The following ANKS3 variants were observed in gnomAD, a reference collection of about 807,000 sequenced individuals.
ANKS3 encodes ankyrin repeat and SAM domain-containing protein 3.
Under a neutral mutation model 80.7 loss-of-function variants are expected in ANKS3, and 62 were observed. The observed-to-expected ratio is 0.77, with a 90% CI of 0.63 to 0.95. ANKS3 has a LOEUF of 0.95. Ranked by LOEUF, ANKS3 falls within the 40% of genes least tolerant of loss-of-function variation. The pLI is 0.00. For missense variants in ANKS3, 1,150 were observed against 883.6 expected (o/e 1.30, Z -3.82); for synonymous variants, 489 against 355.3 (o/e 1.38, Z -4.23).
At chr16:4,702,326 G>A (rs1316470626) in intron 8 of ANKS3, 84 bp from the exon 9 acceptor site, 4 of 1,359,532 alleles carry the variant, frequency 2.9e-6, no homozygotes, top group Non-Finnish European at 3.8e-6. Flanking sequence ...GGAGGCAGGT[G>A]ACTTCCCAGT....
chr16:4,700,698 T>G, intron 11 of ANKS3: 1 of 564,836 alleles, frequency 1.8e-6, no homozygotes, highest in Non-Finnish European at 3.2e-6. Context: ...TCAAGTGTGC[T>G]TTTCTTCTCC....
At chr16:4,724,899 G>A in intron 5 of ANKS3, 68 bp from the exon 6 acceptor site, 1 of 1,442,888 alleles carries the variant, frequency 6.9e-7, no homozygotes, top group South Asian at 1.2e-5. Flanking sequence ...ACTCCCTGCT[G>A]AAGATAAACC....
chr16:4,722,929 C>CAAAAAAAAAAA (rs969402269), intron 6 of ANKS3, among the ~76,000 whole-genome samples: 1 of 91,872 alleles, frequency 1.1e-5, no homozygotes, highest in African/African-American at 4.0e-5. Context: ...CTTCTGTCTC[C>CAAAAAAAAAAA]AAAAAAAAAA....
intron 2 of ANKS3, among the ~76,000 whole-genome samples, chr16:4,731,231 G>A (rs574006963): frequency 1.3e-5 from 2 of 152,314 alleles, no homozygotes; most frequent in South Asian, 4.1e-4. Flanking sequence ...GTGACTCCAT[G>A]CCTTTATGAA....
Position 4,696,739 on chromosome 16 carries a change from G to T in ANKS3, c.*169C>A. The T allele has an allele frequency of 1.9e-6, 1 of 514,356 alleles. No individual in the cohort carries two copies. The highest frequency in any genetic ancestry group is 3.5e-6 in the Non-Finnish European group (1 of 282,522). 31.9% of individuals were successfully genotyped at this position (514,356 alleles called of 1,614,324 possible). ...TGCTGGCCCGAGCTGCCGAGCCAGG[G>T]CCGCAGCCCCCGTCTTGCCTCTGTC... On this transcript the variant is annotated 3_prime_UTR_variant, in exon 18 of 18. Transcript: ENST00000304283.
At chr16:4,714,257 G>A (rs2080655712) in intron 6 of ANKS3, 71 bp from the exon 7 acceptor site, 1 of 1,584,488 alleles carries the variant, frequency 6.3e-7, no homozygotes, top group Non-Finnish European at 8.6e-7. Flanking sequence ...GCTGCTGGCT[G>A]GGAAGACAGA....
chr16:4,697,201 AC>A (rs2079609396), intron 16 of ANKS3, 97 bp from the exon 17 acceptor site: 2 of 1,558,006 alleles, frequency 1.3e-6, no homozygotes, highest in East Asian at 4.5e-5. Context: ...CCTGCCCCTC[AC>A]CCGTTATGGC....
intron 7 of ANKS3, among the ~76,000 whole-genome samples, chr16:4,707,281 C>CTTT (rs112926809): frequency 6.6e-5 from 9 of 135,930 alleles, no homozygotes; most frequent in African/African-American, 1.4e-4. Flanking sequence ...CGGAAGGACA[C>CTTT]TTTTTTTTTT....
chr16:4,724,476 A>G (rs1286647673), intron 6 of ANKS3, among the ~76,000 whole-genome samples: 1 of 152,236 alleles, frequency 6.6e-6, no homozygotes, highest in Non-Finnish European at 1.5e-5. Flanking sequence ...TGACAGGATT[A>G]TGAGTGCTAT....
intron 6 of ANKS3, among the ~76,000 whole-genome samples, chr16:4,722,469 G>C (rs910558016): frequency 3.3e-5 from 5 of 151,702 alleles, no homozygotes; most frequent in Non-Finnish European, 7.4e-5. Flanking sequence ...CCAGCTACTC[G>C]GGAGGCTGAG....
chr16:4,726,784 C>T lies in ANKS3; in HGVS notation c.370-4G>A, dbSNP rs1215534733. 6.2e-7 allele frequency: 1 copy of T among 1,611,834 alleles called. No homozygotes were observed. The highest frequency in any genetic ancestry group is 1.3e-5 in the African/African-American group (1 of 75,016). ...TCATTTCTAGCTCTGCACCTTGCTT[C>T]AAGAGAACACAGAACGTGCGTTACG... is the stretch of plus-strand genomic sequence containing the variant. On this transcript the variant is annotated splice_polypyrimidine_tract_variant and splice_region_variant and intron_variant, in intron 4 of 17. Coordinates refer to ENST00000304283, the MANE Select transcript of ANKS3 (RefSeq NM_133450.4).
chr16:4,732,965 A>G (rs1425079299), intron 1 of ANKS3, among the ~76,000 whole-genome samples: 1 of 152,146 alleles, frequency 6.6e-6, no homozygotes, highest in African/African-American at 2.4e-5. Flanking sequence ...GAAATAAGCC[A>G]GGCACAGAAA....
chr16:4,725,582 G>A lies in ANKS3; in HGVS notation c.492-751C>T, dbSNP rs562386919. ...TGGGTGCTGCATTGGTACCCGCTGCGTTTGTTCAAAGGTGATTATTATCAT... is the reference window on the plus strand; with the variant it reads ...TGGGTGCTGCATTGGTACCCGCTGCATTTGTTCAAAGGTGATTATTATCAT... On this transcript the variant is annotated intron_variant, in intron 5 of 17. Transcript: ENST00000304283. Among the ~76,000 whole-genome samples, 14 of 152,288 alleles carry A rather than the reference G, an allele frequency of 9.2e-5. No homozygotes were observed. In the South Asian group the frequency reaches 2.7e-3, roughly 29 times the overall value.
In ANKS3 at chr16:4,698,615, G is replaced by T; in HGVS notation, c.1552-16C>A. 1 of 1,543,492 alleles carries T rather than the reference G, an allele frequency of 6.5e-7. No individual in the cohort carries two copies. The highest frequency in any genetic ancestry group is 1.4e-5 in the African/African-American group (1 of 73,682). On this transcript the variant is annotated splice_polypyrimidine_tract_variant and intron_variant, in intron 13 of 17. Coordinates refer to ENST00000304283, the MANE Select transcript of ANKS3 (RefSeq NM_133450.4). Reference sequence around the variant, plus strand: ...CCTCGCAGCGCTGCAGGGGGGTGGGGGGCGCGGGGAGGCTGGGAGGTGGCC... The same window carrying T: ...CCTCGCAGCGCTGCAGGGGGGTGGGTGGCGCGGGGAGGCTGGGAGGTGGCC...
intron 8 of ANKS3, 150 bp from the exon 9 acceptor site, chr16:4,702,392 G>C: frequency 1.2e-6 from 1 of 862,438 alleles, no homozygotes; most frequent in Non-Finnish European, 1.6e-6. Context: ...GTGGTGTGTG[G>C]GTGGAAAAGA....
chr16:4,727,148 C>A lies in ANKS3; in HGVS notation c.200G>T (p.Gly67Val). Residue 67 changes from glycine to valine, a missense_variant, in exon 4 of 18, where the codon GGT becomes GTT. By Grantham distance (109) the Gly-to-Val change is moderately radical. Transcript: ENST00000304283. ...RRELDLNKKNGGGWTPLMYAS... is the reference protein window; with the variant it reads ...RRELDLNKKNVGGWTPLMYAS... The stretch of plus-strand genomic sequence containing the variant: ...ATACATCAGCGGGGTCCAGCCACCA[C>A]CATTCTTCTTATTCAAATCTAACTC... 6.2e-7 allele frequency: 1 copy of A among 1,614,168 alleles called. No individual in the cohort carries two copies. The highest frequency in any genetic ancestry group is 8.5e-7 in the Non-Finnish European group (1 of 1,180,038).
chr16:4,730,465 G>C (rs1422864778), intron 2 of ANKS3, among the ~76,000 whole-genome samples: 1 of 152,116 alleles, frequency 6.6e-6, no homozygotes, highest in African/African-American at 2.4e-5. Context: ...CCAACTCTAG[G>C]AACCTGACAA....
intron 10 of ANKS3, 125 bp from the exon 11 acceptor site, chr16:4,701,259 TCCG>T: frequency 6.8e-7 from 1 of 1,480,740 alleles, no homozygotes; most frequent in Non-Finnish European, 9.2e-7. Context: ...CACAGGGGCT[TCCG>T]GTGCGTTCGC....
Position 4,723,415 on chromosome 16 carries a change from G to A in ANKS3, c.573+1335C>T, listed in dbSNP as rs143506814. Among the ~76,000 whole-genome samples, 638 of 152,222 alleles carry A rather than the reference G, an allele frequency of 4.2e-3. 6 individuals carry two copies. Among genetic ancestry groups the A allele is most frequent in the African/African-American group, 0.014 (600 of 41,530 alleles). On this transcript the variant is annotated intron_variant, in intron 6 of 17. Coordinates refer to ENST00000304283, the MANE Select transcript of ANKS3 (RefSeq NM_133450.4). ...TGTGTCTGGCTTCTTTCACTGAGCC[G>A]AATGTTTTCCTTTTCTTTTTCTTTT...
Sources: gnomAD v4.1 joint callset for allele counts (sites outside exome capture counted in the v4.1 genomes callset) on GRCh38, gnomAD v4.1.1 for gene constraint, MANE v1.5 for transcripts, NCBI Gene and HGNC (gene_info 2026-07-23, HGNC 2026-07-21) for gene names.